The following CECR2 variants were observed in gnomAD, a reference collection of about 807,000 sequenced individuals.
CECR2 encodes the protein CECR2 histone acetyl-lysine reader.
A neutral mutation model predicts 154.5 loss-of-function variants in CECR2; 30 were observed. The ratio of observed to expected loss-of-function variants is 0.19; its 90% CI spans 0.15 to 0.26. The LOEUF (loss-of-function observed/expected upper bound fraction) is 0.26, where lower values mean the gene tolerates loss of function less well. Ranked by LOEUF, CECR2 falls within the 10% of genes least tolerant of loss-of-function variation. CECR2 has a pLI of 1.00. For missense variants in CECR2, 1,743 were observed against 1,829.3 expected (o/e 0.95, Z 0.86); for synonymous variants, 725 against 683.7 (o/e 1.06, Z -0.94).
At chr22:17,479,584 C>CT (rs150667792) in intron 2 of CECR2, among the ~76,000 whole-genome samples, 33,601 of 151,666 alleles carry the variant, frequency 0.22, 4,296 homozygotes, top group Non-Finnish European at 0.29. Flanking sequence ...AGTTCATCCT[C>CT]TAATTTGTCC....
In CECR2 at chr22:17,362,997, C is replaced by G. The variant is rs181580287; in HGVS notation, c.-364+2974C>G. Among the ~76,000 whole-genome samples the G allele has an allele frequency of 7.3e-5, 11 of 151,256 alleles. No individual in the cohort carries two copies. In the East Asian group the frequency reaches 1.9e-3, roughly 27 times the overall value. ...CATTTCCTTTTGATAACCCTGGTCT[C>G]CATCCTGTGTCACGTCCTTTGCATC... is the stretch of plus-strand genomic sequence containing the variant. On this transcript the variant is annotated intron_variant, in intron 1 of 18. Transcript: ENST00000400585.
At chr22:17,368,519 A>T (rs1482867024), upstream of CECR2, among the ~76,000 whole-genome samples, 1 of 152,100 alleles carries the variant, frequency 6.6e-6, no homozygotes, top group Non-Finnish European at 1.5e-5. Flanking sequence ...AGGATTTAGC[A>T]GTACTCCACC....
chr22:17,551,297 G>T (rs1427445919), intron 17 of CECR2, among the ~76,000 whole-genome samples: 5 of 152,142 alleles, frequency 3.3e-5, no homozygotes, highest in African/African-American at 7.2e-5. Context: ...TGTCCCCAGA[G>T]TGTCTTTTAG....
At position 17,540,877 on chromosome 22, in the gene CECR2, T is replaced by C. The variant is rs572971357; in HGVS notation, c.1884+77T>C. On this transcript the variant is annotated intron_variant, in intron 14 of 18. Transcript: ENST00000262608. ...AGTAATGTAGAGGCCATTCAGTTAG[T>C]ACTTCCTGCAAAATACTTACGTGTA... The C allele has an allele frequency of 2.1e-6, 3 of 1,406,604 alleles. No homozygotes were observed. In the South Asian group the frequency reaches 5.1e-5, roughly 24 times the overall value. 87.1% of individuals were successfully genotyped at this position (1,406,604 alleles called of 1,614,324 possible). A position where few individuals can be genotyped will look rare whatever the true frequency, so the allele number is the denominator to read the frequency against.
At chr22:17,460,273 G>C (rs1457451031) in intron 1 of CECR2, among the ~76,000 whole-genome samples, 1 of 152,158 alleles carries the variant, frequency 6.6e-6, no homozygotes, top group Non-Finnish European at 1.5e-5. Context: ...ACAATGGCAT[G>C]ATCTTGGTTC....
intron 8 of CECR2, among the ~76,000 whole-genome samples, chr22:17,518,028 T>A (rs559610332): frequency 1.3e-5 from 2 of 152,228 alleles, no homozygotes; most frequent in East Asian, 3.9e-4. Context: ...TCTGGGGAGA[T>A]GGTGTTCCTT....
intron 1 of CECR2, among the ~76,000 whole-genome samples, chr22:17,440,563 C>T (rs2054569869): frequency 6.6e-6 from 1 of 152,104 alleles, no homozygotes. Flanking sequence ...ATTATGATAT[C>T]CCACACTGTC....
At chr22:17,463,214 G>A (rs1244914366) in intron 1 of CECR2, among the ~76,000 whole-genome samples, 1 of 152,158 alleles carries the variant, frequency 6.6e-6, no homozygotes. Context: ...GAGTTAGGGA[G>A]GTGATCAAGG....
chr22:17,519,293 T>TG (rs695310), intron 8 of CECR2, among the ~76,000 whole-genome samples: 1 of 69,786 alleles, frequency 1.4e-5, no homozygotes, highest in East Asian at 1.2e-3. Context: ...GTGTTTTGTG[T>TG]TTTTTTTTTT....
chr22:17,438,619 A>ATT lies in CECR2; in HGVS notation c.127-38958_127-38957dup, dbSNP rs59612229. 9.9e-3 allele frequency among the ~76,000 whole-genome samples: 1,457 copies of ATT among 147,502 alleles called. 24 individuals are homozygous for ATT. The highest frequency in any genetic ancestry group is 0.032 in the African/African-American group (1,319 of 40,740). On this transcript the variant is annotated intron_variant, in intron 1 of 18. Coordinates refer to ENST00000262608, the MANE Select transcript of CECR2 (RefSeq NM_001290047.2). ...GTAAACTTTCTTAAAACATTATGAG[A>ATT]TTTTTTTTTTTTGCAATTTTTTTTA...
At position 17,414,012 on chromosome 22, in the gene CECR2, A is replaced by G. The variant is rs527961818; in HGVS notation, c.126+44103A>G. Among the ~76,000 whole-genome samples the G allele has an allele frequency of 4.7e-3, 586 of 123,432 alleles. 3 individuals carry two copies. Among genetic ancestry groups the G allele is most frequent in the South Asian group, 0.014 (52 of 3,596 alleles). 81.0% of individuals were successfully genotyped at this position (123,432 alleles called of 152,430 possible). On this transcript the variant is annotated intron_variant, in intron 1 of 18. Coordinates refer to ENST00000262608, the MANE Select transcript of CECR2 (RefSeq NM_001290047.2). ...TTTTGAGACGGAGTCTTGCTCTGTC[A>G]CCCAGGCTGGAGTGTGGTGGTGCAA...
intron 1 of CECR2, among the ~76,000 whole-genome samples, chr22:17,415,742 G>A (rs1422542072): frequency 6.6e-6 from 1 of 152,180 alleles, no homozygotes; most frequent in South Asian, 2.1e-4. Flanking sequence ...GTTTTTAAGT[G>A]GGTCAGAAAT....
At chr22:17,363,424 G>A (rs1255412113) in intron 1 of CECR2, among the ~76,000 whole-genome samples, 1 of 152,078 alleles carries the variant, frequency 6.6e-6, no homozygotes, top group African/African-American at 2.4e-5. Flanking sequence ...AGACCAGGCT[G>A]GTCTCGAACT....
chr22:17,456,121 T>G (rs965290941), intron 1 of CECR2, among the ~76,000 whole-genome samples: 3 of 150,768 alleles, frequency 2.0e-5, no homozygotes, highest in Admixed American at 2.0e-4. Flanking sequence ...CCTACATGTT[T>G]AGTCAATTAT....
intron 1 of CECR2, among the ~76,000 whole-genome samples, chr22:17,386,277 A>G (rs1208375053): frequency 6.6e-6 from 1 of 150,752 alleles, no homozygotes; most frequent in Non-Finnish European, 1.5e-5. Flanking sequence ...CTGAGACTTA[A>G]AAAAACTTCA....
At chr22:17,475,649 C>T (rs2146787120) in intron 1 of CECR2, among the ~76,000 whole-genome samples, 1 of 152,142 alleles carries the variant, frequency 6.6e-6, no homozygotes, top group African/African-American at 2.4e-5. Flanking sequence ...GTTTCATTTC[C>T]GGCTCTAGCT....
intron 16 of CECR2, among the ~76,000 whole-genome samples, chr22:17,547,767 C>T (rs1212911103): frequency 2.0e-5 from 3 of 152,150 alleles, no homozygotes; most frequent in African/African-American, 4.8e-5. Flanking sequence ...TTTAGAGCTT[C>T]CCAGCATGGC....
chr22:17,552,105 T>C lies in CECR2; in HGVS notation c.4352T>C (p.Val1451Ala), dbSNP rs1216064222. 1 of 1,613,714 alleles carries C rather than the reference T, an allele frequency of 6.2e-7. No individual in the cohort carries two copies. The highest frequency in any genetic ancestry group is 1.3e-5 in the African/African-American group (1 of 74,878). ...ACAGCAGCAACATCACAGGAGGAGG[T>C]GCCGCCTCATAAGCCTCCAACACTT... The part of the protein sequence containing the change: ...TPTAATSQEE[V>A]PPHKPPTLPL... The change falls in exon 18 of 19, where the codon GTG becomes GCG. Residue 1451 changes from valine (V) to alanine (A), a missense_variant. Physicochemically the swap from Val to Ala is moderately conservative, Grantham distance 64. Around this residue, in one of 4 missense-constraint regions of CECR2, gnomAD observed 1,250 missense variants for 1,192.1 expected, o/e 1.05. Transcript: ENST00000262608.
At chr22:17,365,664 C>G (rs150292322), upstream of CECR2, among the ~76,000 whole-genome samples, 363 of 152,178 alleles carry the variant, frequency 2.4e-3, 1 homozygote, top group African/African-American at 8.5e-3. Flanking sequence ...CCACTGCACT[C>G]CAGCCTGGGT....
Sources: allele counts gnomAD v4.1 joint callset (sites outside exome capture counted in the v4.1 genomes callset), GRCh38; gene constraint gnomAD v4.1.1; regional missense constraint gnomAD v4.1.1; transcripts MANE v1.5; gene names NCBI Gene and HGNC (gene_info 2026-07-23, HGNC 2026-07-21).